Variants in RPN2 observed in about 807,000 individuals in gnomAD.
RPN2 encodes the protein ribophorin II, also known as dolichyl-diphosphooligosaccharide--protein glycosyltransferase subunit 2.
A neutral mutation model predicts 71.4 loss-of-function variants in RPN2; 29 were observed. The ratio of observed to expected loss-of-function variants is 0.41; its 90% CI spans 0.30 to 0.55. The LOEUF is 0.55. Among genes scored for constraint, RPN2 ranks in the 20% least tolerant of loss-of-function variants. The pLI, the probability that RPN2 is intolerant of heterozygous loss-of-function variation, is 0.35. For synonymous variants in RPN2, 308 were observed against 305.0 expected, an observed-to-expected ratio of 1.01 and a Z score of -0.10; for missense variants, 726 against 774.1, an observed-to-expected ratio of 0.94 and a Z score of 0.74.
At chr20:37,186,476 CTATT>C (rs1017271379) in intron 2 of RPN2, among the ~76,000 whole-genome samples, 4 of 152,012 alleles carry the variant, frequency 2.6e-5, no homozygotes, top group African/African-American at 9.7e-5. Flanking sequence ...ATCTCTTATT[CTATT>C]TATTTATTTA....
At chr20:37,235,271 C>T (rs2068354742) in intron 15 of RPN2, among the ~76,000 whole-genome samples, 1 of 152,180 alleles carries the variant, frequency 6.6e-6, no homozygotes, top group African/African-American at 2.4e-5. Context: ...TATGATAGCC[C>T]TCTGGGGTCA....
At chr20:37,221,495 G>A (rs1023383218) in intron 9 of RPN2, among the ~76,000 whole-genome samples, 2 of 152,138 alleles carry the variant, frequency 1.3e-5, no homozygotes, top group African/African-American at 4.8e-5. Context: ...ACCACGCCCG[G>A]CCTAGTCTGT....
chr20:37,214,236 G>A (rs759388778), intron 9 of RPN2, among the ~76,000 whole-genome samples: 4 of 152,210 alleles, frequency 2.6e-5, no homozygotes, highest in African/African-American at 4.8e-5. Context: ...AGTGCTTGAT[G>A]CCAAATAGGT....
At chr20:37,221,970 A>G (rs2067969590) in intron 9 of RPN2, among the ~76,000 whole-genome samples, 2 of 152,230 alleles carry the variant, frequency 1.3e-5, no homozygotes, top group South Asian at 4.1e-4. Flanking sequence ...ATTTCTTGCC[A>G]TCTCTGTATA....
At chr20:37,206,314 TA>T (rs2067508666) in intron 6 of RPN2, among the ~76,000 whole-genome samples, 1 of 152,230 alleles carries the variant, frequency 6.6e-6, no homozygotes, top group Non-Finnish European at 1.5e-5. Context: ...TTTGGTCTTA[TA>T]AATAAAAACT....
chr20:37,236,562 T>C lies in RPN2; in HGVS notation c.1754-18T>C. 3.7e-6 allele frequency: 6 copies of C among 1,613,940 alleles called. No individual in the cohort carries two copies. Among genetic ancestry groups the C allele is most frequent in the Non-Finnish European group, 5.1e-6 (6 of 1,179,900 alleles). ...TTATGTTTCATTTAATTGGATGTCATGACACCTCTTCTTGCAGCTATGCTG... is the reference window on the plus strand; with the variant it reads ...TTATGTTTCATTTAATTGGATGTCACGACACCTCTTCTTGCAGCTATGCTG... On this transcript the variant is annotated intron_variant, in intron 15 of 16. Transcript: ENST00000237530.
intron 2 of RPN2, among the ~76,000 whole-genome samples, chr20:37,197,071 TG>T (rs1453088181): frequency 6.6e-6 from 1 of 151,812 alleles, no homozygotes; most frequent in Non-Finnish European, 1.5e-5. Flanking sequence ...CCCGGCAGGG[TG>T]GGTAGCAGGG....
intron 4 of RPN2, 50 bp downstream of exon 4, chr20:37,199,275 A>G (rs1310220642): frequency 3.1e-6 from 5 of 1,603,700 alleles, no homozygotes; most frequent in Admixed American, 3.3e-5. Context: ...CTCGGGTCCT[A>G]TCCGAAGAGG....
At chr20:37,225,340 C>G (rs1414358398) in intron 10 of RPN2, among the ~76,000 whole-genome samples, 1 of 152,158 alleles carries the variant, frequency 6.6e-6, no homozygotes, top group African/African-American at 2.4e-5. Flanking sequence ...TTCTGCCAGC[C>G]CGGCTCTCCT....
intron 2 of RPN2, among the ~76,000 whole-genome samples, chr20:37,188,218 G>T (rs1479138004): frequency 6.6e-6 from 1 of 152,138 alleles, no homozygotes; most frequent in Non-Finnish European, 1.5e-5. Flanking sequence ...TGCCAAGCTG[G>T]AGTGCAGTGG....
chr20:37,190,060 G>A (rs2067109204), intron 2 of RPN2, among the ~76,000 whole-genome samples: 1 of 152,188 alleles, frequency 6.6e-6, no homozygotes. Context: ...GGCAGGATTT[G>A]AATGCAGGAT....
At chr20:37,210,682 C>T (rs1463484230) in intron 8 of RPN2, among the ~76,000 whole-genome samples, 1 of 151,956 alleles carries the variant, frequency 6.6e-6, no homozygotes, top group Non-Finnish European at 1.5e-5. Context: ...AGGTGCCCGC[C>T]ACCACGTCCG....
intron 2 of RPN2, among the ~76,000 whole-genome samples, chr20:37,190,286 A>G (rs2146531569): frequency 6.6e-6 from 1 of 152,278 alleles, no homozygotes; most frequent in Admixed American, 6.5e-5. Flanking sequence ...AGGGCTGAAG[A>G]TGTAGATTGA....
rs2068194519 is a variant in RPN2, at chr20:37,229,987, C to T, written c.1509C>T (p.Ile503=). The T allele has an allele frequency of 1.2e-6, 2 of 1,613,978 alleles. No homozygotes were observed. The highest frequency in any genetic ancestry group is 1.3e-5 in the African/African-American group (1 of 74,914). Residue 503 remains isoleucine, a synonymous_variant, in exon 13 of 17, where the codon ATC becomes ATT. Transcript: ENST00000237530. ...PILWNVADVV[I]KFPEEEAPST... ...TATTTTTCTAGGCTGATGTGGTCAT[C>T]AAGTTCCCTGAGGAAGAAGCTCCCT...
intron 9 of RPN2, among the ~76,000 whole-genome samples, chr20:37,223,516 A>G (rs751431204): frequency 6.6e-5 from 10 of 152,234 alleles, no homozygotes; most frequent in Non-Finnish European, 8.8e-5. Flanking sequence ...AATCCTAGCT[A>G]TCATTAGAAC....
At chr20:37,228,518 C>T in intron 11 of RPN2, 32 bp from the exon 12 acceptor site, 2 of 1,589,564 alleles carry the variant, frequency 1.3e-6, no homozygotes, top group South Asian at 1.1e-5. Context: ...TTGAAATTAT[C>T]AGATGAAAGA....
intron 4 of RPN2, 44 bp downstream of exon 4, chr20:37,199,269 G>A (rs2146565095): frequency 6.2e-7 from 1 of 1,607,408 alleles, no homozygotes; most frequent in Non-Finnish European, 8.5e-7. Flanking sequence ...ATTTGTCTCG[G>A]GTCCTATCCG....
chr20:37,218,549 AAAAAAAAC>A lies in RPN2; in HGVS notation c.1092+4692_1092+4699del, dbSNP rs1276705541. On this transcript the variant is annotated intron_variant, in intron 9 of 16. Transcript: ENST00000237530. The stretch of plus-strand genomic sequence containing the variant: ...ATGGGGAAACCCCGTCTCTGCTAAA[AAAAAAAAC>A]AAAAAAAACAAAACTATGCAATCCA... Among the ~76,000 whole-genome samples the A allele has an allele frequency of 1.8e-3, 273 of 151,786 alleles. 1 individual carries two copies. Among genetic ancestry groups the A allele is most frequent in the African/African-American group, 6.3e-3 (261 of 41,310 alleles).
At chr20:37,229,923 C>A in intron 12 of RPN2, 50 bp from the exon 13 acceptor site, 1 of 1,348,952 alleles carries the variant, frequency 7.4e-7, no homozygotes, top group Non-Finnish European at 1.1e-6. Flanking sequence ...TATTGAGTTT[C>A]ACCCACTTCT....
Sources: gnomAD v4.1 joint callset for allele counts (sites outside exome capture counted in the v4.1 genomes callset) on GRCh38, gnomAD v4.1.1 for gene constraint, MANE v1.5 for transcripts, NCBI Gene and HGNC (gene_info 2026-07-23, HGNC 2026-07-21) for gene names.